The following ARHGAP45 variants were observed in gnomAD, a reference collection of about 807,000 sequenced individuals.
The protein encoded by ARHGAP45 is Rho GTPase activating protein 45.
A neutral mutation model predicts 116.1 loss-of-function variants in ARHGAP45; 56 were observed. That is an observed-to-expected ratio of 0.48 (90% CI 0.39 to 0.60). ARHGAP45 has a LOEUF of 0.60. ARHGAP45 is among the 20% of genes least tolerant of loss of function. The pLI is 0.00. For missense variants in ARHGAP45, 1,622 were observed against 1,601.0 expected, an observed-to-expected ratio of 1.01 and a Z score of -0.22; for synonymous variants, 866 against 701.7, an observed-to-expected ratio of 1.23 and a Z score of -3.70.
In ARHGAP45 at chr19:1,085,530, CCATCTCTCCT is replaced by C. The variant is rs1270542331; in HGVS notation, c.3065-129_3065-120del. Reference sequence around the variant, plus strand: ...TCTCCTCCATCTCTCCTGTCTCTCCCCATCTCTCCTGTCTCTCCATCTCTCTCCCCCCTCT... The same window carrying C: ...TCTCCTCCATCTCTCCTGTCTCTCCCGTCTCTCCATCTCTCTCCCCCCTCT... On this transcript the variant is annotated intron_variant, in intron 22 of 22. Coordinates refer to ENST00000313093, the MANE Select transcript of ARHGAP45 (RefSeq NM_012292.5). 6.3e-5 allele frequency: 39 copies of C among 618,176 alleles called. 1 individual carries two copies. The East Asian group carries it at 1.1e-3, about 17-fold the overall frequency. The allele number at this position is 618,176 out of a possible 1,614,324, so 38.3% of individuals were successfully genotyped here. A position where few individuals can be genotyped will look rare whatever the true frequency, so the allele number is the denominator to read the frequency against.
chr19:1,083,326 G>A lies in ARHGAP45; in HGVS notation c.2928G>A (p.Glu976=), dbSNP rs1034250501. The A allele has an allele frequency of 3.2e-6, 5 of 1,557,192 alleles. No individual in the cohort carries two copies. Among genetic ancestry groups the A allele is most frequent in the East Asian group, 4.8e-5 (2 of 41,986 alleles). Residue 976 remains glutamate (E), a synonymous_variant, in exon 21 of 23, where the codon GAG becomes GAA. Transcript: ENST00000313093. The part of the protein sequence containing the change: ...LIVHYGLVFE[E]EPEETPGGQD... ...TCCACTACGGCCTGGTCTTCGAGGA[G>A]GAGCCGGAGGAGACCCCCGGGGGCC...
At chr19:1,075,033 C>CCCG (rs1555706882) in intron 10 of ARHGAP45, among the ~76,000 whole-genome samples, 154 bp downstream of exon 10, 3 of 133,102 alleles carry the variant, frequency 2.3e-5, no homozygotes, top group African/African-American at 7.9e-5. Flanking sequence ...GGCCGCCCCC[C>CCCG]CCAACGCCAA....
Position 1,080,896 on chromosome 19 carries a change from C to T in ARHGAP45, c.2022C>T (p.Asp674=), listed in dbSNP as rs761174792. The change falls in exon 17 of 23, where the codon GAC becomes GAT. Residue 674 remains aspartate (D), a synonymous_variant. Transcript: ENST00000313093. Reference sequence around the variant, plus strand: ...GGCTGCCTGTGCTGCCCGCAGCTGACCTCAACGGCATGACCCCCGAGCTGC... The same window carrying T: ...GGCTGCCTGTGCTGCCCGCAGCTGATCTCAACGGCATGACCCCCGAGCTGC... ...GAGASAFEQA[D]LNGMTPELPV... 5 of 1,608,096 alleles carry T rather than the reference C, an allele frequency of 3.1e-6. No homozygotes were observed. In the African/African-American group the frequency reaches 6.7e-5, roughly 21 times the overall value.
At chr19:1,082,002 G>T in intron 19 of ARHGAP45, 41 bp downstream of exon 19, 3 of 1,593,256 alleles carry the variant, frequency 1.9e-6, no homozygotes, top group Non-Finnish European at 1.7e-6. Context: ...CCTGGAAGGG[G>T]CGTAGCCAGG....
At chr19:1,079,572 C>A in intron 11 of ARHGAP45, 131 bp from the exon 12 acceptor site, 2 of 1,146,592 alleles carry the variant, frequency 1.7e-6, no homozygotes, top group Non-Finnish European at 2.5e-6. Context: ...CTCCTGGCCT[C>A]AAGCAAGTCT....
Position 1,081,728 on chromosome 19 carries a change from T to G in ARHGAP45, c.2369T>G (p.Leu790Arg), listed in dbSNP as rs748414169. 6.4e-7 allele frequency: 1 copy of G among 1,565,644 alleles called. No homozygotes were observed. Among genetic ancestry groups the G allele is most frequent in the Non-Finnish European group, 8.7e-7 (1 of 1,155,348 alleles). Residue 790 changes from leucine to arginine, a missense_variant, in exon 18 of 23, where the codon CTG (leucine) becomes CGG (arginine). Leu to Arg is a moderately radical substitution (Grantham distance 102). Coordinates refer to ENST00000313093, the MANE Select transcript of ARHGAP45 (RefSeq NM_012292.5). ...GTCTGCGAGATCGAGCGGCGGGCGC[T>G]GCGCACCAAGGTGAGGCGGGGGAGG... ...KCVCEIERRA[L>R]RTKGIYRVNG...
chr19:1,073,168 C>T lies in ARHGAP45; in HGVS notation c.441C>T (p.Arg147=), dbSNP rs2043171643. The change falls in exon 3 of 23, where the codon CGC becomes CGT. Residue 147 remains arginine (R), a synonymous_variant. Transcript: ENST00000313093. ...VLRDDLLEAR[R]PRAHECLGEA... is the part of the protein sequence containing the mutation. Reference sequence around the variant, plus strand: ...CAGCAGACCTCCTTGAGGCCCGCCGCCCGCGGGCCCACGAGTGCCTGGGTG... The same window carrying T: ...CAGCAGACCTCCTTGAGGCCCGCCGTCCGCGGGCCCACGAGTGCCTGGGTG... 3 of 1,609,308 alleles carry T rather than the reference C, an allele frequency of 1.9e-6. No homozygotes were observed. In the South Asian group the frequency reaches 3.3e-5, roughly 18 times the overall value.
upstream of ARHGAP45, chr19:1,066,759 TGGG>T (rs941453257): frequency 6.5e-6 from 1 of 153,198 alleles, no homozygotes; most frequent in Non-Finnish European, 1.5e-5. Context: ...GGGCGGGTGA[TGGG>T]GGGGACCCTA....
At chr19:1,081,114 G>C (rs776015061) in intron 17 of ARHGAP45, 50 bp downstream of exon 17, 45 of 1,550,268 alleles carry the variant, frequency 2.9e-5, no homozygotes, top group Non-Finnish European at 3.5e-6. Context: ...GAGCCTTTGG[G>C]GTGCCCAGCA....
intron 19 of ARHGAP45, 76 bp downstream of exon 19, chr19:1,082,037 G>A (rs984627477): frequency 2.0e-6 from 3 of 1,518,028 alleles, no homozygotes; most frequent in Non-Finnish European, 2.7e-6. Context: ...GTGGGGGTCC[G>A]GGAGCTGGAG....
At position 1,074,256 on chromosome 19, in the gene ARHGAP45, C is replaced by T. The variant is rs753505391; in HGVS notation, c.928+15C>T. 6 of 1,612,264 alleles carry T rather than the reference C, an allele frequency of 3.7e-6. No homozygotes were observed. Among genetic ancestry groups the T allele is most frequent in the South Asian group, 3.3e-5 (3 of 90,952 alleles). ...GACGACGCTGGGTGAGAGCTGGTGT[C>T]CCAGCAGGGTGGGTCTGGAGGGAGG... On this transcript the variant is annotated intron_variant, in intron 7 of 22. Transcript: ENST00000313093.
chr19:1,080,780 G>C lies in ARHGAP45; in HGVS notation c.2011G>C (p.Glu671Gln). The C allele has an allele frequency of 6.2e-7, 1 of 1,613,354 alleles. No individual in the cohort carries two copies. Among genetic ancestry groups the C allele is most frequent in the Non-Finnish European group, 8.5e-7 (1 of 1,179,960 alleles). The change falls in exon 16 of 23, where the codon GAG (glutamate) becomes CAG (glutamine). Residue 671 changes from glutamate (E) to glutamine (Q), a missense_variant. Glu to Gln is a conservative substitution (Grantham distance 29). This residue lies in a region of ARHGAP45 where 1,334 missense variants were observed against 1,263.8 expected (regional missense o/e 1.06). Transcript: ENST00000313093. ...CGGTGGAGCCGGGGCTTCAGCCTTT[G>C]AGCAGGGTGAGGGTCCCCTGACGGG... ...PDGGAGASAF[E>Q]QADLNGMTPE...
Position 1,073,231 on chromosome 19 carries a change from C to A in ARHGAP45, c.504C>A (p.Tyr168Ter). The A allele has an allele frequency of 6.2e-7, 1 of 1,613,598 alleles. No homozygotes were observed. Among genetic ancestry groups the A allele is most frequent in the Non-Finnish European group, 8.5e-7 (1 of 1,180,020 alleles). Residue 168 changes from tyrosine to a stop codon, truncating the protein, a stop_gained, in exon 3 of 23, where the codon TAC becomes TAA. Transcript: ENST00000313093. LOFTEE classifies it high-confidence loss of function. ...LRVMHQIISKYPLLNTVETLT... is the reference protein window; with the variant it reads ...LRVMHQIISK ...TCATGCATCAGATCATCTCCAAGTA[C>A]CCGCTGCTGAACACCGTGGAGACGC...
Position 1,077,995 on chromosome 19 carries a change from A to T in ARHGAP45, c.1324A>T (p.Thr442Ser). The change falls in exon 11 of 23, where the codon ACC becomes TCC. Residue 442 changes from threonine (T) to serine (S), a missense_variant. This residue lies in a region of ARHGAP45 where 1,334 missense variants were observed against 1,263.8 expected (regional missense o/e 1.06). Coordinates refer to ENST00000313093, the MANE Select transcript of ARHGAP45 (RefSeq NM_012292.5). ...GSAPGAGSTA[T>S]KTLDKRRRLE... ...CGCGCCGGGAGCAGGCAGCACGGCC[A>T]CCAAGACCCTGGACAAGCGGCGGCG... 6.4e-7 allele frequency: 1 copy of T among 1,555,308 alleles called. No individual in the cohort carries two copies. The highest frequency in any genetic ancestry group is 8.7e-7 in the Non-Finnish European group (1 of 1,148,666).
At chr19:1,080,582 G>A (rs1003071809) in intron 15 of ARHGAP45, 35 bp downstream of exon 15, 4 of 1,609,438 alleles carry the variant, frequency 2.5e-6, no homozygotes, top group Non-Finnish European at 3.4e-6. Context: ...GGGGTGTGGA[G>A]CTGCCTCCTC....
Position 1,074,643 on chromosome 19 carries a change from G to C in ARHGAP45, c.1023G>C (p.Ser341=). ...ACATGCCGCTCCTGTCCATCTACTC[G>C]CTGGCCCTGGAGCAGGACCTGGAGT... ...EPHMPLLSIY[S]LALEQDLEFG... The change falls in exon 9 of 23, where the codon TCG becomes TCC. Residue 341 remains serine (S), a synonymous_variant. Transcript: ENST00000313093. 6.2e-7 allele frequency: 1 copy of C among 1,606,730 alleles called. No homozygotes were observed. Among genetic ancestry groups the C allele is most frequent in the African/African-American group, 1.3e-5 (1 of 74,900 alleles).
chr19:1,077,239 G>T (rs1599760717), intron 10 of ARHGAP45: 2 of 985,402 alleles, frequency 2.0e-6, no homozygotes, highest in South Asian at 4.7e-5. Flanking sequence ...CGTGGGGGCT[G>T]GTGTGCGTGT....
rs1568464614 is a variant in ARHGAP45 at position 1,076,481 on chromosome 19, G to GTTTTTTT, written c.1186-1375_1186-1374insTTTTTTT. Among the ~76,000 whole-genome samples the GTTTTTTT allele has an allele frequency of 1.2e-3, 130 of 104,170 alleles. 5 individuals carry two copies. The highest frequency in any genetic ancestry group is 5.1e-3 in the African/African-American group (128 of 25,342). 68.3% of individuals were successfully genotyped at this position (104,170 alleles called of 152,430 possible). A position where few individuals can be genotyped will look rare whatever the true frequency, so the allele number is the denominator to read the frequency against. On this transcript the variant is annotated intron_variant, in intron 10 of 22. Transcript: ENST00000313093. ...TAGAAACCTGTGATTGTTGGCAGTA[G>GTTTTTTT]TCTTTTTTTTTTTTTTTTTTTTTTT...
upstream of ARHGAP45, chr19:1,066,539 G>A (rs896561100): frequency 4.2e-6 from 1 of 238,860 alleles, no homozygotes; most frequent in African/African-American, 2.3e-5. Flanking sequence ...TTCTGCCGAT[G>A]GTGGGGTCCA....
Sources: gnomAD v4.1 joint callset for allele counts (sites outside exome capture counted in the v4.1 genomes callset) on GRCh38, gnomAD v4.1.1 for gene constraint, gnomAD v4.1.1 regional missense constraint, MANE v1.5 for transcripts, NCBI Gene and HGNC (gene_info 2026-07-23, HGNC 2026-07-21) for gene names.